PADI6: variants seen among roughly 807,000 people sequenced by gnomAD.
PADI6 encodes inactive protein-arginine deiminase type-6.
A neutral mutation model predicts 78.2 loss-of-function variants in PADI6; 66 were observed. The observed-to-expected ratio is 0.84, with a 90% CI of 0.69 to 1.04. The LOEUF (loss-of-function observed/expected upper bound fraction) is 1.04. Ranked by LOEUF, PADI6 falls within the 50% of genes least tolerant of loss-of-function variation. PADI6 has a pLI of 0.00. For missense variants in PADI6, 854 were observed against 866.1 expected (o/e 0.99, Z 0.18); for synonymous variants, 397 against 346.9 (o/e 1.14, Z -1.60).
At chr1:17,376,588 C>T (rs1335415018) in intron 3 of PADI6, among the ~76,000 whole-genome samples, 1 of 149,198 alleles carries the variant, frequency 6.7e-6, no homozygotes, top group Non-Finnish European at 1.5e-5. Context: ...TTAGTGGAGA[C>T]GGGATTTCAC....
intron 5 of PADI6, among the ~76,000 whole-genome samples, 182 bp from the exon 6 acceptor site, chr1:17,381,785 C>A (rs924975928): frequency 1.3e-5 from 2 of 152,160 alleles, no homozygotes; most frequent in Non-Finnish European, 2.9e-5. Flanking sequence ...AGGTTTGCAG[C>A]TTGCCTGTAG....
chr1:17,393,824 G>A (rs114477153), intron 9 of PADI6, 151 bp from the exon 10 acceptor site: 10 of 672,524 alleles, frequency 1.5e-5, no homozygotes, highest in Non-Finnish European at 2.7e-5. Flanking sequence ...AGGGATCGGA[G>A]AGCCTTCAAG....
Position 17,379,274 on chromosome 1 carries a change from C to A in PADI6, c.368-646C>A, listed in dbSNP as rs578051938. 6.6e-4 allele frequency among the ~76,000 whole-genome samples: 98 copies of A among 149,474 alleles called. 1 individual carries two copies. The East Asian group carries it at 0.017, about 25-fold the overall frequency. ...GACTACAGGCGCCCGCCACCTCGCC[C>A]GGCTAATTTTTTTGTATTTTTAGTA... On this transcript the variant is annotated intron_variant, in intron 3 of 15. Coordinates refer to ENST00000619609, the MANE Select transcript of PADI6 (RefSeq NM_207421.4).
At chr1:17,385,758 A>G (rs1216996462) in intron 6 of PADI6, among the ~76,000 whole-genome samples, 1 of 152,172 alleles carries the variant, frequency 6.6e-6, no homozygotes, top group African/African-American at 2.4e-5. Flanking sequence ...AGAAAGGGGT[A>G]GCTGGCATTA....
At chr1:17,382,212 T>C in intron 6 of PADI6, 120 bp downstream of exon 6, 1 of 1,268,390 alleles carries the variant, frequency 7.9e-7, no homozygotes, top group Non-Finnish European at 1.1e-6. Context: ...GAGCTGCAGA[T>C]GAGAGGCTGT....
chr1:17,391,729 T>C (rs2075186143), intron 8 of PADI6, among the ~76,000 whole-genome samples: 2 of 152,176 alleles, frequency 1.3e-5, no homozygotes. Context: ...GGCAGGAGAC[T>C]CACTTGAACC....
At chr1:17,392,308 T>C (rs2075194714) in intron 9 of PADI6, 83 bp downstream of exon 9, 5 of 1,057,782 alleles carry the variant, frequency 4.7e-6, no homozygotes, top group Middle Eastern at 2.7e-4. Flanking sequence ...TTCACAGGCT[T>C]CTGGTTAACC....
At chr1:17,387,467 G>C (rs964715710) in intron 6 of PADI6, among the ~76,000 whole-genome samples, 1 of 151,734 alleles carries the variant, frequency 6.6e-6, no homozygotes, top group Non-Finnish European at 1.5e-5. Context: ...GAGGGGGGGG[G>C]GCCAGGCGTG....
At chr1:17,385,699 G>A (rs1285437010) in intron 6 of PADI6, among the ~76,000 whole-genome samples, 5 of 151,736 alleles carry the variant, frequency 3.3e-5, no homozygotes, top group African/African-American at 1.2e-4. Flanking sequence ...GGGCAAGTAT[G>A]CTAGAACAAT....
At chr1:17,380,088 G>A (rs915581378) in intron 4 of PADI6, 101 bp downstream of exon 4, 22 of 1,175,530 alleles carry the variant, frequency 1.9e-5, no homozygotes, top group Admixed American at 1.9e-5. Context: ...CCCAATTGCT[G>A]TGACATTGCT....
In PADI6 at chr1:17,382,102, C is replaced by T. The variant is rs756661415; in HGVS notation, c.679+10C>T. The stretch of plus-strand genomic sequence containing the variant: ...GTCTACTGGCCCCAAAGTGAGTGTT[C>T]TTGTGCCAGCTCCAGCTTTGCCTGC... On this transcript the variant is annotated intron_variant, in intron 6 of 15. Coordinates refer to ENST00000619609, the MANE Select transcript of PADI6 (RefSeq NM_207421.4). 6.2e-7 allele frequency: 1 copy of T among 1,612,732 alleles called. No homozygotes were observed. The highest frequency in any genetic ancestry group is 8.5e-7 in the Non-Finnish European group (1 of 1,179,174).
intron 5 of PADI6, 48 bp from the exon 6 acceptor site, chr1:17,381,919 G>A: frequency 1.9e-6 from 3 of 1,610,086 alleles, no homozygotes; most frequent in Non-Finnish European, 2.5e-6. Context: ...CACCCCCAGA[G>A]TGCTGGCCTC....
chr1:17,377,527 C>T (rs115102911), intron 3 of PADI6, among the ~76,000 whole-genome samples: 2,429 of 152,290 alleles, frequency 0.016, 74 homozygotes, highest in African/African-American at 0.055. Context: ...ATGATCGCTT[C>T]GGTGTCTGAC....
Position 17,392,199 on chromosome 1 carries a change from C to T in PADI6, c.1048C>T (p.Pro350Ser), listed in dbSNP as rs2075192838. 1 of 1,557,884 alleles carries T rather than the reference C, an allele frequency of 6.4e-7. No individual in the cohort carries two copies. The highest frequency in any genetic ancestry group is 8.7e-7 in the Non-Finnish European group (1 of 1,150,624). ...NSQVASVYED[P>S]NRLGRWLQDE... ...CCAGGTGGCATCTGTCTATGAGGAC[C>T]CCAACCGCCTGGGCAGGTGGCTCCA... Residue 350 changes from proline (P) to serine (S), a missense_variant, in exon 9 of 16, where the codon CCC becomes TCC. By Grantham distance (74) the Pro-to-Ser change is moderately conservative. Transcript: ENST00000619609.
chr1:17,393,967 C>A lies in PADI6; in HGVS notation c.1075-8C>A. 1 of 1,611,418 alleles carries A rather than the reference C, an allele frequency of 6.2e-7. No homozygotes were observed. Among genetic ancestry groups the A allele is most frequent in the Non-Finnish European group, 8.5e-7 (1 of 1,177,574 alleles). On this transcript the variant is annotated splice_polypyrimidine_tract_variant and splice_region_variant and intron_variant, in intron 9 of 15. Transcript: ENST00000619609. ...CTGGCAAACAATCTGTCTTCCTCTC[C>A]ATTCCAGGATGAGATGGCCTTCTGC...
At position 17,381,051 on chromosome 1, in the gene PADI6, A is replaced by T; in HGVS notation, c.440A>T (p.Lys147Ile). The change falls in exon 5 of 16, where the codon AAA (lysine) becomes ATA (isoleucine). Residue 147 changes from lysine (K) to isoleucine (I), a missense_variant. By Grantham distance (102) the Lys-to-Ile change is moderately radical. Transcript: ENST00000619609. ...ATGTTCCCATCTCATTTGCAGAAAAAATGGATCTGGGGTCCCAGCGGTTGG... is the reference window on the plus strand; with the variant it reads ...ATGTTCCCATCTCATTTGCAGAAAATATGGATCTGGGGTCCCAGCGGTTGG... The part of the protein sequence containing the change: ...EMSSDKQAKK[K>I]WIWGPSGWGA... 1 of 1,596,146 alleles carries T rather than the reference A, an allele frequency of 6.3e-7. No individual in the cohort carries two copies. Among genetic ancestry groups the T allele is most frequent in the Non-Finnish European group, 8.5e-7 (1 of 1,171,672 alleles).
chr1:17,376,869 G>A (rs1454114079), intron 3 of PADI6, among the ~76,000 whole-genome samples: 1 of 145,760 alleles, frequency 6.9e-6, no homozygotes, highest in African/African-American at 2.6e-5. Context: ...TTGTGTTTTT[G>A]TTTTGTTTTG....
intron 14 of PADI6, 38 bp from the exon 15 acceptor site, chr1:17,398,648 T>TGGGGGG: frequency 5.2e-6 from 1 of 193,328 alleles, no homozygotes; most frequent in Admixed American, 9.6e-5. Flanking sequence ...CTCTCCTTGC[T>TGGGGGG]CCCCCGCCCC....
intron 6 of PADI6, 145 bp downstream of exon 6, chr1:17,382,237 T>A: frequency 9.0e-7 from 1 of 1,109,080 alleles, no homozygotes; most frequent in Non-Finnish European, 1.3e-6. Context: ...GCTGTACTTG[T>A]GTTTCCAGGA....
Sources: allele counts gnomAD v4.1 joint callset (sites outside exome capture counted in the v4.1 genomes callset), GRCh38; gene constraint gnomAD v4.1.1; transcripts MANE v1.5; gene names NCBI Gene and HGNC (gene_info 2026-07-23, HGNC 2026-07-21).